CNTNAP1: variants seen among roughly 807,000 people sequenced by gnomAD.
CNTNAP1 encodes contactin-associated protein 1.
In CNTNAP1, 80 loss-of-function variants were observed where a neutral mutation model predicts 161.5. The observed-to-expected ratio is 0.50, with a 90% confidence interval of 0.41 to 0.60. CNTNAP1 has a LOEUF of 0.60. Among genes scored for constraint, CNTNAP1 ranks in the 20% least tolerant of loss-of-function variants. The pLI, the probability that CNTNAP1 is intolerant of heterozygous loss-of-function variation, is 0.00. For synonymous variants in CNTNAP1, 695 were observed against 733.1 expected (o/e 0.95, Z 0.84); for missense variants, 1,464 against 1,854.8 (o/e 0.79, Z 3.87).
Position 42,682,582 on chromosome 17 carries a change from G to A in CNTNAP1, c.-248G>A, listed in dbSNP as rs1207827437. 2 of 540,288 alleles carry A rather than the reference G, an allele frequency of 3.7e-6. No individual in the cohort carries two copies. Among genetic ancestry groups the A allele is most frequent in the Non-Finnish European group, 6.6e-6 (2 of 305,140 alleles). 33.5% of individuals were successfully genotyped at this position (540,288 alleles called of 1,614,324 possible). Reference sequence around the variant, plus strand: ...GGCTGGGGAAGGGGGGAGGTGAGAGGAAAGAGGGTGGAAAGGAGAGGATAG... The same window carrying A: ...GGCTGGGGAAGGGGGGAGGTGAGAGAAAAGAGGGTGGAAAGGAGAGGATAG... On this transcript the variant is annotated 5_prime_UTR_variant, in exon 1 of 24. Transcript: ENST00000264638.
At chr17:42,688,713 C>T (rs1440152617) in intron 9 of CNTNAP1, 102 bp downstream of exon 9, 1 of 1,549,758 alleles carries the variant, frequency 6.5e-7, no homozygotes, top group Non-Finnish European at 8.8e-7. Context: ...AGGGATCAAG[C>T]CCTCTTCCCC....
Position 42,688,995 on chromosome 17 carries a change from C to G in CNTNAP1, c.1576C>G (p.Arg526Gly). 6.2e-7 allele frequency: 1 copy of G among 1,611,222 alleles called. No individual in the cohort carries two copies. Among genetic ancestry groups the G allele is most frequent in the Non-Finnish European group, 8.5e-7 (1 of 1,178,488 alleles). The change falls in exon 10 of 24, where the codon CGG (arginine) becomes GGG (glycine). Residue 526 changes from arginine (R) to glycine (G), a missense_variant. Physicochemically the swap from Arg to Gly is moderately radical, Grantham distance 125. This residue lies in a region of CNTNAP1 where 1,383 missense variants were observed against 1,765.0 expected (regional missense o/e 0.78). Transcript: ENST00000264638. ...CAACCTGACTCTGGTGGAGGGCCGG[C>G]GGCTTGGATTCTATGCTGAGGTCCT... ...LVNLTLVEGR[R>G]LGFYAEVLFD...
chr17:42,695,347 C>T (rs900609854), intron 18 of CNTNAP1, among the ~76,000 whole-genome samples, 174 bp from the exon 19 acceptor site: 1 of 152,136 alleles, frequency 6.6e-6, no homozygotes, highest in African/African-American at 2.4e-5. Context: ...TTTCCCATGG[C>T]TGTAAGATTC....
chr17:42,693,188 T>A (rs545216341), intron 17 of CNTNAP1, 109 bp from the exon 18 acceptor site: 1 of 1,288,682 alleles, frequency 7.8e-7, no homozygotes, highest in East Asian at 2.3e-5. Flanking sequence ...CTCGATCTCC[T>A]GAGCTCGTGA....
chr17:42,694,520 C>T (rs1285380198), intron 18 of CNTNAP1, among the ~76,000 whole-genome samples: 2 of 151,902 alleles, frequency 1.3e-5, no homozygotes, highest in Non-Finnish European at 2.9e-5. Flanking sequence ...GGCCTAGCTA[C>T]TCGGGAGGCT....
intron 17 of CNTNAP1, among the ~76,000 whole-genome samples, chr17:42,692,958 CTTTTT>C (rs1246701076): frequency 7.1e-6 from 1 of 140,446 alleles, no homozygotes; most frequent in Non-Finnish European, 1.6e-5. Context: ...CATTTCTTTT[CTTTTT>C]TTTTTTTTTT....
chr17:42,688,843 C>T lies in CNTNAP1; in HGVS notation c.1457-33C>T, dbSNP rs1217738137. On this transcript the variant is annotated intron_variant, in intron 9 of 23. Transcript: ENST00000264638. Reference sequence around the variant, plus strand: ...TGGGGGAGGGTCTTTGGGGTCTCCCCTGGGGAGGATCTCACAGGGGTGGTT... The same window carrying T: ...TGGGGGAGGGTCTTTGGGGTCTCCCTTGGGGAGGATCTCACAGGGGTGGTT... The T allele has an allele frequency of 1.9e-6, 3 of 1,612,742 alleles. No homozygotes were observed. In the South Asian group the frequency reaches 3.3e-5, roughly 18 times the overall value.
rs763174357 is a variant in CNTNAP1, at chr17:42,688,573, C to T, written c.1418C>T (p.Pro473Leu). ...VEGAEVRVSY[P>L]LLIRTGTSYF... ...GGGGCAGAGGTCAGGGTCTCATACC[C>T]GTTGCTGATCCGGACAGGGACCTCA... Residue 473 changes from proline to leucine, a missense_variant, in exon 9 of 24, where the codon CCG becomes CTG. Pro to Leu is a moderately conservative substitution (Grantham distance 98, BLOSUM62 -3). Around this residue, in one of 3 missense-constraint regions of CNTNAP1, gnomAD observed 1,383 missense variants for 1,765.0 expected, o/e 0.78. Transcript: ENST00000264638. 1.6e-5 allele frequency: 26 copies of T among 1,614,022 alleles called. No individual in the cohort carries two copies. The highest frequency in any genetic ancestry group is 2.7e-5 in the African/African-American group (2 of 74,920).
At position 42,695,711 on chromosome 17, in the gene CNTNAP1, C is replaced by T. The variant is rs758640391; in HGVS notation, c.3183C>T (p.Asp1061=). 12 of 1,614,222 alleles carry T rather than the reference C, an allele frequency of 7.4e-6. No individual in the cohort carries two copies. The South Asian group carries it at 7.7e-5, about 10-fold the overall frequency. ...ATGGCCCCGGGTACCGCCTGCCCGA[C>T]TACCCCCGGCCTGGTCGGCCTGTGC... is the stretch of plus-strand genomic sequence containing the variant. The part of the protein sequence containing the change: ...GYHGPGYRLP[D]YPRPGRPVPG... Residue 1061 remains aspartate (D), a synonymous_variant, in exon 19 of 24, where the codon GAC becomes GAT. Transcript: ENST00000264638.
At position 42,699,042 on chromosome 17, in the gene CNTNAP1, C is replaced by A. The variant is rs539979826; in HGVS notation, c.*132C>A. 164 of 731,948 alleles carry A rather than the reference C, an allele frequency of 2.2e-4. No homozygotes were observed. The highest frequency in any genetic ancestry group is 5.8e-4 in the South Asian group (23 of 39,494). The allele number at this position is 731,948 out of a possible 1,614,324, so 45.3% of individuals were successfully genotyped here. On this transcript the variant is annotated 3_prime_UTR_variant, in exon 24 of 24. Coordinates refer to ENST00000264638, the MANE Select transcript of CNTNAP1 (RefSeq NM_003632.3). ...CCAGAGGATATTCCCCCATCCCCCC[C>A]CCATCAAGTTTGGTGGGCAGAGCTA...
rs2052998506 is a variant in CNTNAP1, at chr17:42,685,817, C to T, written c.716-140C>T. ...GCTAAATGGCTTACCCTGTCACACACTCGCCAATGGCTGTTGATCTATTCG... is the reference window on the plus strand; with the variant it reads ...GCTAAATGGCTTACCCTGTCACACATTCGCCAATGGCTGTTGATCTATTCG... On this transcript the variant is annotated intron_variant, in intron 5 of 23. Transcript: ENST00000264638. The surrounding 1 kb of genome is among the most constrained non-coding windows in gnomAD (Gnocchi z 5.0). 7.0e-6 allele frequency: 6 copies of T among 855,716 alleles called. No individual in the cohort carries two copies. The highest frequency in any genetic ancestry group is 1.1e-5 in the Non-Finnish European group (6 of 560,498). The allele number at this position is 855,716 out of a possible 1,614,324, so 53.0% of individuals were successfully genotyped here. A position where few individuals can be genotyped will look rare whatever the true frequency, so the allele number is the denominator to read the frequency against.
At chr17:42,683,963 C>T (rs527856489) in intron 2 of CNTNAP1, 41 bp downstream of exon 2, 3 of 1,613,104 alleles carry the variant, frequency 1.9e-6, no homozygotes, top group East Asian at 2.2e-5. Context: ...GGCAGCGCAC[C>T]GCGGAAGGGT....
At position 42,698,985 on chromosome 17, in the gene CNTNAP1, AC is replaced by A; in HGVS notation, c.*76del. On this transcript the variant is annotated 3_prime_UTR_variant, in exon 24 of 24. Transcript: ENST00000264638. ...CTGCCTCTCCCCCATCCTATCAGGG[AC>A]ATTTGGCTCCTCTTAGCTGGCTCTG... The A allele has an allele frequency of 7.3e-7, 1 of 1,367,648 alleles. No homozygotes were observed. The highest frequency in any genetic ancestry group is 1.5e-5 in the South Asian group (1 of 65,594). The allele number at this position is 1,367,648 out of a possible 1,614,324, so 84.7% of individuals were successfully genotyped here.
chr17:42,689,724 T>C, intron 11 of CNTNAP1, 97 bp downstream of exon 11: 1 of 995,272 alleles, frequency 1.0e-6, no homozygotes, highest in Non-Finnish European at 1.6e-6. Flanking sequence ...AGGATGGCCC[T>C]TCCAGCCCTC....
chr17:42,687,423 G>C lies in CNTNAP1; in HGVS notation c.1045-297G>C. On this transcript the variant is annotated intron_variant, in intron 7 of 23. Coordinates refer to ENST00000264638, the MANE Select transcript of CNTNAP1 (RefSeq NM_003632.3). This position sits in a 1 kb window ranked among gnomAD's most constrained non-coding sequence, Gnocchi z 4.7. ...GAGCTCTGTTGGGAAGCTGGCAGGA[G>C]CCAGGTCTGTGGTCCAAAATTGCCT... 1 of 530,172 alleles carries C rather than the reference G, an allele frequency of 1.9e-6. No individual in the cohort carries two copies. Among genetic ancestry groups the C allele is most frequent in the Admixed American group, 3.5e-5 (1 of 28,972 alleles). 32.8% of individuals were successfully genotyped at this position (530,172 alleles called of 1,614,324 possible). A position where few individuals can be genotyped will look rare whatever the true frequency, so the allele number is the denominator to read the frequency against.
At chr17:42,698,345 G>C (rs1421786865) in intron 23 of CNTNAP1, among the ~76,000 whole-genome samples, 1 of 152,154 alleles carries the variant, frequency 6.6e-6, no homozygotes, top group Non-Finnish European at 1.5e-5. Flanking sequence ...AGGTGGCAGG[G>C]GGTAAGCCAG....
In CNTNAP1 at chr17:42,687,726, G is replaced by A; in HGVS notation, c.1051G>A (p.Val351Met). The A allele has an allele frequency of 6.2e-7, 1 of 1,614,062 alleles. No homozygotes were observed. The highest frequency in any genetic ancestry group is 1.7e-5 in the Admixed American group (1 of 60,024). ...RHSRITFEGK[V>M]AFRCLDPVPH... ...TCTTCACTTTTGCCCCTAGGGTAAGGTGGCTTTTCGTTGCCTGGACCCGGT... is the reference window on the plus strand; with the variant it reads ...TCTTCACTTTTGCCCCTAGGGTAAGATGGCTTTTCGTTGCCTGGACCCGGT... Residue 351 changes from valine (V) to methionine (M), a missense_variant, in exon 8 of 24, where the codon GTG (valine) becomes ATG (methionine). Physicochemically the swap from Val to Met is conservative, Grantham distance 21 (BLOSUM62 1). Coordinates refer to ENST00000264638, the MANE Select transcript of CNTNAP1 (RefSeq NM_003632.3). The surrounding 1 kb of genome is among the most constrained non-coding windows in gnomAD (Gnocchi z 4.7).
At chr17:42,698,537 GTGT>G in intron 23 of CNTNAP1, 78 bp from the exon 24 acceptor site, 1 of 775,120 alleles carries the variant, frequency 1.3e-6, no homozygotes, top group Non-Finnish European at 1.8e-6. Context: ...AAGAGTGCGT[GTGT>G]GTGTGTGTGT....
rs370604328 is a variant in CNTNAP1 at position 42,688,992 on chromosome 17, C to T, written c.1573C>T (p.Arg525Trp). 4.0e-5 allele frequency: 65 copies of T among 1,611,704 alleles called. 1 individual carries two copies. The African/African-American group carries it at 4.9e-4, about 12-fold the overall frequency. Residue 525 changes from arginine to tryptophan, a missense_variant, in exon 10 of 24, where the codon CGG (arginine) becomes TGG (tryptophan). Coordinates refer to ENST00000264638, the MANE Select transcript of CNTNAP1 (RefSeq NM_003632.3). The stretch of plus-strand genomic sequence containing the variant: ...GGTCAACCTGACTCTGGTGGAGGGC[C>T]GGCGGCTTGGATTCTATGCTGAGGT... Reference protein sequence around the residue: ...QLVNLTLVEGRRLGFYAEVLF... With the variant: ...QLVNLTLVEGWRLGFYAEVLF...
Sources: allele counts gnomAD v4.1 joint callset (sites outside exome capture counted in the v4.1 genomes callset), GRCh38; gene constraint gnomAD v4.1.1; regional missense constraint gnomAD v4.1.1; non-coding constraint Gnocchi (gnomAD v3.1); transcripts MANE v1.5; gene names NCBI Gene and HGNC (gene_info 2026-07-23, HGNC 2026-07-21).